CACYBP: variants seen among roughly 807,000 people sequenced by gnomAD.
CACYBP encodes the protein calcyclin-binding protein.
Under a neutral mutation model 29.6 loss-of-function variants are expected in CACYBP, and 11 were observed. The ratio of observed to expected loss-of-function variants is 0.37; its 90% CI spans 0.23 to 0.61. The LOEUF is 0.61. CACYBP is among the 20% of genes least tolerant of loss of function. The probability of loss-of-function intolerance (pLI) is 0.65; values close to 1 mark genes in which losing one functional copy is unlikely to be tolerated. For synonymous variants in CACYBP, 73 were observed against 88.3 expected, an observed-to-expected ratio of 0.83 and a Z score of 0.97; for missense variants, 163 against 260.7, an observed-to-expected ratio of 0.63 and a Z score of 2.58.
intron 1 of CACYBP, 103 bp downstream of exon 1, chr1:175,000,298 C>T (rs1233977406): frequency 6.6e-7 from 1 of 1,517,402 alleles, no homozygotes; most frequent in African/African-American, 1.4e-5. Flanking sequence ...CCTGCGGCCA[C>T]CCGGTCCCGC....
At chr1:175,009,222 A>G (rs1672687512) in intron 5 of CACYBP, among the ~76,000 whole-genome samples, 1 of 152,224 alleles carries the variant, frequency 6.6e-6, no homozygotes, top group African/African-American at 2.4e-5. Context: ...TAAAAAATAC[A>G]TGAGCTTCAG....
intron 3 of CACYBP, 37 bp from the exon 4 acceptor site, chr1:175,007,061 G>C (rs1290903403): frequency 1.5e-6 from 2 of 1,355,222 alleles, no homozygotes; most frequent in African/African-American, 1.4e-5. Context: ...ACCTTTCATA[G>C]AACTAGAAAG....
chr1:175,002,904 TTAATA>T (rs2149410106), intron 1 of CACYBP, among the ~76,000 whole-genome samples: 1 of 152,372 alleles, frequency 6.6e-6, no homozygotes, highest in East Asian at 1.9e-4. Flanking sequence ...TTGCTTAGAC[TTAATA>T]TATTTCATTT....
rs1209576421 is a variant in CACYBP, at chr1:175,011,398, T to TATAG, written c.*1323_*1326dup. The TATAG allele has an allele frequency of 1.3e-5, 2 of 152,054 alleles. No individual in the cohort carries two copies. Among genetic ancestry groups the TATAG allele is most frequent in the African/African-American group, 4.8e-5 (2 of 41,390 alleles). 9.4% of individuals were successfully genotyped at this position (152,054 alleles called of 1,614,324 possible). Reference sequence around the variant, plus strand: ...ATACTAAGATAACTGAAAATAGGCATATAGATATATTCCAAGCCGCCTGAC... The same window carrying TATAG: ...ATACTAAGATAACTGAAAATAGGCATATAGATAGATATATTCCAAGCCGCCTGAC... On this transcript the variant is annotated 3_prime_UTR_variant, in exon 6 of 6. Transcript: ENST00000367679.
In CACYBP at chr1:175,008,650, G is replaced by A. The variant is rs771316635; in HGVS notation, c.474G>A (p.Val158=). ...TTCTTATATTGTGTAGAAAGAAAGT[G>A]GAAAACACAAGGTGGGATTACCTGA... is the stretch of plus-strand genomic sequence containing the variant. ...DTVLILCRKK[V]ENTRWDYLTQ... Residue 158 remains valine, a synonymous_variant, in exon 5 of 6, where the codon GTG becomes GTA. Transcript: ENST00000367679. The A allele has an allele frequency of 1.9e-6, 3 of 1,597,106 alleles. No individual in the cohort carries two copies. The highest frequency in any genetic ancestry group is 2.2e-5 in the East Asian group (1 of 44,752).
intron 1 of CACYBP, among the ~76,000 whole-genome samples, chr1:175,002,220 C>T (rs745677159): frequency 1.3e-5 from 2 of 152,162 alleles, no homozygotes; most frequent in Non-Finnish European, 2.9e-5. Flanking sequence ...GCATCATATT[C>T]CTGTAAGAAA....
At chr1:174,999,708 T>C, upstream of CACYBP, 1 of 247,334 alleles carries the variant, frequency 4.0e-6, no homozygotes, top group Non-Finnish European at 7.9e-6. Flanking sequence ...TTTCCGGGGC[T>C]GGGTTAACGC....
rs1285352173 is a variant in CACYBP, at chr1:175,006,073, TG to T, written c.236-671del. Among the ~76,000 whole-genome samples, 5 of 152,200 alleles carry T rather than the reference TG, an allele frequency of 3.3e-5. No homozygotes were observed. The East Asian group carries it at 9.6e-4, about 29-fold the overall frequency. ...TCTTGATAAACAGAAGATGCTTTTT[TG>T]TGAAGTTTTTTATTTTCTACAAATG... On this transcript the variant is annotated intron_variant, in intron 2 of 5. Coordinates refer to ENST00000367679, the MANE Select transcript of CACYBP (RefSeq NM_014412.3).
chr1:175,009,798 TA>T, intron 5 of CACYBP, 124 bp from the exon 6 acceptor site: 2 of 667,064 alleles, frequency 3.0e-6, no homozygotes, highest in Non-Finnish European at 5.0e-6. Flanking sequence ...GTTTTGATTG[TA>T]AATATCTTTG....
Position 174,999,976 on chromosome 1 carries a change from TGGC to T in CACYBP, c.-198_-196del, listed in dbSNP as rs1672420778. ...GGCTGTGCGTGCTCGCGGTGGGCGG[TGGC>T]GGCGGCTGCCTCGCGAAGGTTCGAG... is the stretch of plus-strand genomic sequence containing the variant. On this transcript the variant is annotated 5_prime_UTR_variant, in exon 1 of 6. Transcript: ENST00000367679. The T allele has an allele frequency of 1.5e-6, 1 of 668,868 alleles. No individual in the cohort carries two copies. The highest frequency in any genetic ancestry group is 1.9e-5 in the African/African-American group (1 of 51,540). The allele number at this position is 668,868 out of a possible 1,614,324, so 41.4% of individuals were successfully genotyped here. A position where few individuals can be genotyped will look rare whatever the true frequency, so the allele number is the denominator to read the frequency against.
At chr1:174,999,909 G>A (rs925775553), upstream of CACYBP, 20 of 539,094 alleles carry the variant, frequency 3.7e-5, no homozygotes, top group Non-Finnish European at 6.5e-5. Flanking sequence ...GTGGGGCTAG[G>A]CTCGGCGAGG....
chr1:175,008,567 C>T (rs1232876035), intron 4 of CACYBP, 42 bp from the exon 5 acceptor site: 1 of 869,512 alleles, frequency 1.2e-6, no homozygotes, highest in Admixed American at 1.8e-5. Context: ...TGCTTATCTC[C>T]ATGTCTTCTA....
Position 175,008,723 on chromosome 1 carries a change from T to C in CACYBP, c.530+17T>C, listed in dbSNP as rs1220970364. 8.4e-7 allele frequency: 1 copy of C among 1,186,022 alleles called. No individual in the cohort carries two copies. Among genetic ancestry groups the C allele is most frequent in the Non-Finnish European group, 1.3e-6 (1 of 789,806 alleles). 73.5% of individuals were successfully genotyped at this position (1,186,022 alleles called of 1,614,324 possible). On this transcript the variant is annotated intron_variant, in intron 5 of 5. Transcript: ENST00000367679. ...AGAAAAAGAGTGAGTCTACTTCCAT[T>C]TTTTTAAAGAATTTTAGTGTATTGT... is the stretch of plus-strand genomic sequence containing the variant.
At chr1:175,002,247 A>C (rs1418415378) in intron 1 of CACYBP, among the ~76,000 whole-genome samples, 1 of 152,140 alleles carries the variant, frequency 6.6e-6, no homozygotes, top group African/African-American at 2.4e-5. Context: ...AAGCTTCTGA[A>C]AGTTTCTCCA....
At position 175,011,254 on chromosome 1, in the gene CACYBP, A is replaced by C. The variant is rs558685649; in HGVS notation, c.*1175A>C. ...GTTTATGTATAGGATAGCTATAAGTAAATACTGAAACACATTATGCCTCTG... is the reference window on the plus strand; with the variant it reads ...GTTTATGTATAGGATAGCTATAAGTCAATACTGAAACACATTATGCCTCTG... On this transcript the variant is annotated 3_prime_UTR_variant, in exon 6 of 6. Transcript: ENST00000367679. The C allele has an allele frequency of 1.3e-5, 2 of 152,310 alleles. No homozygotes were observed. Among genetic ancestry groups the C allele is most frequent in the African/African-American group, 4.8e-5 (2 of 41,566 alleles). The allele number at this position is 152,310 out of a possible 1,614,324, so 9.4% of individuals were successfully genotyped here.
In CACYBP at chr1:175,011,842, AC is replaced by A. The variant is rs1216433158; in HGVS notation, c.*1765del. The A allele has an allele frequency of 6.6e-6, 1 of 152,250 alleles. No individual in the cohort carries two copies. The highest frequency in any genetic ancestry group is 2.4e-5 in the African/African-American group (1 of 41,452). The allele number at this position is 152,250 out of a possible 1,614,324, so 9.4% of individuals were successfully genotyped here. A position where few individuals can be genotyped will look rare whatever the true frequency, so the allele number is the denominator to read the frequency against. ...TATTTGGGCAGGTGCAGTGGCTCAC[AC>A]CTGTAATCCCAACACCTTGGGAGGC... is the stretch of plus-strand genomic sequence containing the variant. On this transcript the variant is annotated 3_prime_UTR_variant, in exon 6 of 6. Transcript: ENST00000367679.
In CACYBP at chr1:175,004,810, A is replaced by G. The variant is rs199873801; in HGVS notation, c.212A>G (p.Tyr71Cys). 4 of 1,611,250 alleles carry G rather than the reference A, an allele frequency of 2.5e-6. No homozygotes were observed. The highest frequency in any genetic ancestry group is 2.2e-5 in the East Asian group (1 of 44,866). The change falls in exon 2 of 6, where the codon TAT becomes TGT. Residue 71 changes from tyrosine to cysteine, a missense_variant. Transcript: ENST00000367679. ...GTGGTTGCTCCCATTACAACGGGCT[A>G]TACGGTGAAAATCAGTAATTATGGT... is the stretch of plus-strand genomic sequence containing the variant. ...AAVVAPITTG[Y>C]TVKISNYGWD...
intron 1 of CACYBP, among the ~76,000 whole-genome samples, chr1:175,002,390 A>G (rs1204423078): frequency 6.6e-6 from 1 of 152,036 alleles, no homozygotes; most frequent in Non-Finnish European, 1.5e-5. Flanking sequence ...GATGTTGAGC[A>G]TCTTTAATGT....
At chr1:175,000,583 T>C (rs983669841) in intron 1 of CACYBP, 2 of 1,115,946 alleles carry the variant, frequency 1.8e-6, no homozygotes, top group Admixed American at 5.2e-5. Context: ...TCGTTCTTGG[T>C]AGAGGGCGGT....
Sources: gnomAD v4.1 joint callset for allele counts (sites outside exome capture counted in the v4.1 genomes callset) on GRCh38, gnomAD v4.1.1 for gene constraint, MANE v1.5 for transcripts, NCBI Gene and HGNC (gene_info 2026-07-23, HGNC 2026-07-21) for gene names.